The following GRID2 variants were observed in gnomAD, a reference collection of about 807,000 sequenced individuals.
GRID2 encodes glutamate ionotropic receptor delta type subunit 2, also known as glutamate receptor ionotropic, delta-2.
A neutral mutation model predicts 114.8 loss-of-function variants in GRID2; 33 were observed. The ratio of observed to expected loss-of-function variants is 0.29; its 90% CI spans 0.22 to 0.38. The LOEUF (loss-of-function observed/expected upper bound fraction) is 0.38. GRID2 is among the 10% of genes least tolerant of loss of function. The pLI, the probability that GRID2 is intolerant of heterozygous loss-of-function variation, is 1.00. For missense variants in GRID2, 1,184 were observed against 1,257.7 expected (o/e 0.94, Z 0.89); for synonymous variants, 505 against 449.9 (o/e 1.12, Z -1.55).
At chr4:93,083,051 G>C (rs544869593) in intron 2 of GRID2, among the ~76,000 whole-genome samples, 1 of 152,142 alleles carries the variant, frequency 6.6e-6, no homozygotes, top group Admixed American at 6.5e-5. Context: ...TATAAATTTT[G>C]TGGTAGAAGT....
At chr4:93,630,806 C>CA (rs35728659) in intron 14 of GRID2, among the ~76,000 whole-genome samples, 30 of 151,476 alleles carry the variant, frequency 2.0e-4, no homozygotes, top group South Asian at 4.2e-4. Context: ...CTTAGAATCA[C>CA]AAAAAAAAGC....
chr4:93,404,559 T>C lies in GRID2; in HGVS notation c.1347+8851T>C, dbSNP rs139823159. ...GAGATAATATAAATTACCTACCTCA[T>C]AAAGCTGTTATAAAAATTCAAATAA... On this transcript the variant is annotated intron_variant, in intron 9 of 15. Coordinates refer to ENST00000282020, the MANE Select transcript of GRID2 (RefSeq NM_001510.4). 7.2e-4 allele frequency among the ~76,000 whole-genome samples: 109 copies of C among 152,204 alleles called. No individual in the cohort carries two copies. The Middle Eastern group carries it at 0.014, about 19-fold the overall frequency.
At chr4:92,897,252 A>T (rs549530642) in intron 2 of GRID2, among the ~76,000 whole-genome samples, 1 of 152,202 alleles carries the variant, frequency 6.6e-6, no homozygotes, top group African/African-American at 2.4e-5. Flanking sequence ...TTCCCCAAAC[A>T]AATTCTCCCC....
intron 12 of GRID2, among the ~76,000 whole-genome samples, chr4:93,498,098 C>T (rs569755264): frequency 6.6e-6 from 1 of 151,708 alleles, no homozygotes; most frequent in South Asian, 2.1e-4. Flanking sequence ...CTTGGTATCT[C>T]GATCCATTTG....
intron 8 of GRID2, among the ~76,000 whole-genome samples, chr4:93,251,681 A>G (rs1748947252): frequency 6.6e-6 from 1 of 152,058 alleles, no homozygotes; most frequent in African/African-American, 2.4e-5. Flanking sequence ...CTCCACTTCC[A>G]GGCTCCAGTA....
intron 2 of GRID2, among the ~76,000 whole-genome samples, chr4:92,997,023 C>T (rs1224263800): frequency 6.6e-6 from 1 of 152,160 alleles, no homozygotes; most frequent in Non-Finnish European, 1.5e-5. Flanking sequence ...ACGTTAGGTA[C>T]CAACTGCTGT....
chr4:93,239,884 A>G (rs1428670646), intron 8 of GRID2, among the ~76,000 whole-genome samples: 2 of 151,662 alleles, frequency 1.3e-5, no homozygotes, highest in African/African-American at 4.8e-5. Context: ...TCAATGTTTC[A>G]ACTTATGAAT....
intron 10 of GRID2, among the ~76,000 whole-genome samples, chr4:93,439,866 A>G (rs1580089399): frequency 6.6e-6 from 1 of 152,214 alleles, no homozygotes; most frequent in Non-Finnish European, 1.5e-5. Context: ...TTCTTCCCAT[A>G]AAGTCGAGCC....
At chr4:92,588,952 A>C (rs1728585144) in intron 1 of GRID2, among the ~76,000 whole-genome samples, 1 of 151,498 alleles carries the variant, frequency 6.6e-6, no homozygotes. Context: ...AAAACACACA[A>C]AAAAATAGCC....
intron 4 of GRID2, among the ~76,000 whole-genome samples, chr4:93,127,373 T>C (rs1734372562): frequency 6.6e-6 from 1 of 152,104 alleles, no homozygotes. Flanking sequence ...GACTTACGAT[T>C]TTTAGAACAA....
intron 14 of GRID2, among the ~76,000 whole-genome samples, chr4:93,732,763 T>C (rs1169673946): frequency 6.6e-6 from 1 of 152,142 alleles, no homozygotes; most frequent in Non-Finnish European, 1.5e-5. Flanking sequence ...CAGCAGCTAA[T>C]GGTCACATTA....
intron 1 of GRID2, among the ~76,000 whole-genome samples, chr4:92,589,310 C>T (rs1273948407): frequency 6.6e-6 from 1 of 152,102 alleles, no homozygotes; most frequent in Non-Finnish European, 1.5e-5. Context: ...GTGTTTAATA[C>T]ATACAATGTG....
chr4:92,333,818 T>C (rs961823864), intron 1 of GRID2, among the ~76,000 whole-genome samples: 1 of 152,130 alleles, frequency 6.6e-6, no homozygotes, highest in African/African-American at 2.4e-5. Context: ...TAGCATCAAA[T>C]TCCTGGTTTC....
At chr4:92,432,051 A>C (rs1469782312) in intron 1 of GRID2, among the ~76,000 whole-genome samples, 1 of 152,220 alleles carries the variant, frequency 6.6e-6, no homozygotes. Flanking sequence ...CTGGTTTACC[A>C]GGCGGGGAAT....
rs59397408 is a variant in GRID2, at chr4:93,578,587, A to ATTTTTTTTTTTTT, written c.2194-47670_2194-47658dup. Among the ~76,000 whole-genome samples the ATTTTTTTTTTTTT allele has an allele frequency of 7.0e-4, 59 of 83,924 alleles. 2 individuals are homozygous for ATTTTTTTTTTTTT. Among genetic ancestry groups the ATTTTTTTTTTTTT allele is most frequent in the African/African-American group, 2.5e-3 (48 of 19,318 alleles). The allele number at this position is 83,924 out of a possible 152,430, so 55.1% of individuals were successfully genotyped here. A position where few individuals can be genotyped will look rare whatever the true frequency, so the allele number is the denominator to read the frequency against. On this transcript the variant is annotated intron_variant, in intron 13 of 15. Transcript: ENST00000282020. ...AAAAGAACCTTGTCTTGTTTTTTGT[A>ATTTTTTTTTTTTT]TTTTTTTTTTTTTTTTTTTTTTTTG... is the stretch of plus-strand genomic sequence containing the variant.
intron 2 of GRID2, among the ~76,000 whole-genome samples, chr4:92,645,988 AATTGGTGGGTC>A (rs1394877429): frequency 6.6e-6 from 1 of 151,694 alleles, no homozygotes. Flanking sequence ...CTAGGAGTAG[AATTGGTGGGTC>A]ATAGGATGAC....
At chr4:92,652,188 T>C (rs976115432) in intron 2 of GRID2, among the ~76,000 whole-genome samples, 4 of 152,130 alleles carry the variant, frequency 2.6e-5, no homozygotes, top group Admixed American at 2.6e-4. Context: ...TCTATTCAGA[T>C]TGTCAATGTA....
At chr4:92,570,355 G>GTA (rs1364213789) in intron 1 of GRID2, among the ~76,000 whole-genome samples, 14 of 152,142 alleles carry the variant, frequency 9.2e-5, no homozygotes, top group Admixed American at 1.3e-4. Context: ...TTTGGTTACT[G>GTA]TAGCCCTGTG....
At chr4:92,687,365 A>T (rs1162285035) in intron 2 of GRID2, among the ~76,000 whole-genome samples, 1 of 152,118 alleles carries the variant, frequency 6.6e-6, no homozygotes, top group Non-Finnish European at 1.5e-5. Context: ...GATTGGAAAT[A>T]TTGAAGATTT....
Sources: allele counts gnomAD v4.1 joint callset (sites outside exome capture counted in the v4.1 genomes callset), GRCh38; gene constraint gnomAD v4.1.1; transcripts MANE v1.5; gene names NCBI Gene and HGNC (gene_info 2026-07-23, HGNC 2026-07-21).